The following TAFA2 variants were observed in gnomAD, a reference collection of about 807,000 sequenced individuals.
TAFA2 encodes TAFA chemokine like family member 2, also known as chemokine-like protein TAFA-2.
In TAFA2, 7 loss-of-function variants were observed where a neutral mutation model predicts 18.8. The ratio of observed to expected loss-of-function variants is 0.37; its 90% CI spans 0.21 to 0.70. The LOEUF (loss-of-function observed/expected upper bound fraction) is 0.70. TAFA2 is among the 30% of genes least tolerant of loss of function. The pLI, the probability that TAFA2 is intolerant of heterozygous loss-of-function variation, is 0.53. For synonymous variants in TAFA2, 60 were observed against 54.2 expected (o/e 1.11, Z -0.47); for missense variants, 122 against 158.1 (o/e 0.77, Z 1.23).
intron 1 of TAFA2, among the ~76,000 whole-genome samples, chr12:62,032,915 T>C (rs1396383060): frequency 1.3e-5 from 2 of 152,196 alleles, no homozygotes; most frequent in African/African-American, 4.8e-5. Context: ...ATGCTTCACA[T>C]TTTTTCATGG....
At chr12:61,829,764 G>A (rs144719468) in intron 2 of TAFA2, among the ~76,000 whole-genome samples, 2 of 151,306 alleles carry the variant, frequency 1.3e-5, no homozygotes, top group African/African-American at 4.8e-5. Flanking sequence ...AATCTCTGTA[G>A]GATTATTTAC....
intron 2 of TAFA2, 82 bp from the exon 3 acceptor site, chr12:61,755,106 T>C: frequency 7.5e-7 from 1 of 1,333,232 alleles, no homozygotes; most frequent in Non-Finnish European, 1.0e-6. Flanking sequence ...AGCAGTACAT[T>C]AAATATAGCT....
chr12:61,880,414 G>A, intron 1 of TAFA2: 1 of 538,032 alleles, frequency 1.9e-6, no homozygotes. Context: ...AGTGGGCCAA[G>A]CAGGACATGG....
intron 1 of TAFA2, among the ~76,000 whole-genome samples, chr12:62,217,427 G>C (rs879507490): frequency 2.0e-5 from 3 of 152,188 alleles, no homozygotes; most frequent in Non-Finnish European, 2.9e-5. Context: ...ACTGGGCCCT[G>C]GTAGACAGAG....
At chr12:61,773,873 G>C (rs1334771478) in intron 2 of TAFA2, among the ~76,000 whole-genome samples, 1 of 151,980 alleles carries the variant, frequency 6.6e-6, no homozygotes, top group Non-Finnish European at 1.5e-5. Flanking sequence ...AAACTAAAAA[G>C]CTTCTGTACA....
Position 62,192,384 on chromosome 12 carries a change from G to A in TAFA2, c.-1127C>T, listed in dbSNP as rs2062630179. On this transcript the variant is annotated 5_prime_UTR_variant, in exon 1 of 5. Transcript: ENST00000416284. ...TGTCGCCTGTGTCACTTTGCTAAAG[G>A]CGGGAGGGGAGAAAGAAAGGAGCGG... 1 of 152,230 alleles carries A rather than the reference G, an allele frequency of 6.6e-6. No homozygotes were observed. Among genetic ancestry groups the A allele is most frequent in the Non-Finnish European group, 1.5e-5 (1 of 68,076 alleles). The allele number at this position is 152,230 out of a possible 1,614,324, so 9.4% of individuals were successfully genotyped here. A position where few individuals can be genotyped will look rare whatever the true frequency, so the allele number is the denominator to read the frequency against.
chr12:62,088,653 A>C (rs1868566305), intron 1 of TAFA2, among the ~76,000 whole-genome samples: 2 of 151,796 alleles, frequency 1.3e-5, no homozygotes, highest in African/African-American at 2.4e-5. Context: ...AATTAGTTAG[A>C]AAAAAGCATC....
intron 1 of TAFA2, among the ~76,000 whole-genome samples, chr12:62,096,515 A>T (rs1007362040): frequency 3.3e-5 from 5 of 152,164 alleles, no homozygotes; most frequent in South Asian, 2.1e-4. Context: ...CTGGTTTCTT[A>T]AAAAAGGCTT....
intron 1 of TAFA2, among the ~76,000 whole-genome samples, chr12:62,147,421 G>C (rs1027623541): frequency 3.5e-5 from 5 of 144,916 alleles, no homozygotes; most frequent in Non-Finnish European, 6.0e-5. Flanking sequence ...TTTAACCAAA[G>C]AGCTTCTGCA....
At chr12:61,780,189 G>A (rs2120881383) in intron 2 of TAFA2, among the ~76,000 whole-genome samples, 1 of 151,946 alleles carries the variant, frequency 6.6e-6, no homozygotes, top group South Asian at 2.1e-4. Flanking sequence ...AGGTAGTGAA[G>A]CAGGATAAAT....
intron 1 of TAFA2, among the ~76,000 whole-genome samples, chr12:62,178,424 G>A (rs1038949827): frequency 6.6e-6 from 1 of 152,092 alleles, no homozygotes; most frequent in Non-Finnish European, 1.5e-5. Flanking sequence ...CATAAACTAG[G>A]AAACAAAGGT....
chr12:62,164,356 T>TGCAGAC (rs2062425575), intron 1 of TAFA2, among the ~76,000 whole-genome samples: 1 of 152,158 alleles, frequency 6.6e-6, no homozygotes, highest in African/African-American at 2.4e-5. Flanking sequence ...TGCTGGAACT[T>TGCAGAC]GCAGACAAAA....
intron 1 of TAFA2, among the ~76,000 whole-genome samples, chr12:61,954,176 T>C (rs994519389): frequency 5.9e-5 from 9 of 152,300 alleles, no homozygotes; most frequent in African/African-American, 2.2e-4. Flanking sequence ...ACTCTACATC[T>C]GTGTGTACAC....
At chr12:61,785,274 G>T (rs1389682649) in intron 2 of TAFA2, among the ~76,000 whole-genome samples, 1 of 149,464 alleles carries the variant, frequency 6.7e-6, no homozygotes, top group Non-Finnish European at 1.5e-5. Context: ...CATACATGTT[G>T]CTACAAATGA....
Position 61,941,021 on chromosome 12 carries a change from C to A in TAFA2, c.-1-73595G>T, listed in dbSNP as rs888847838. Among the ~76,000 whole-genome samples the A allele has an allele frequency of 1.6e-4, 24 of 152,032 alleles. 1 individual carries two copies. Among genetic ancestry groups the A allele is most frequent in the African/African-American group, 5.8e-4 (24 of 41,382 alleles). ...TTTTAATTTTAATTTTAAAACATAT[C>A]TGATTCAGTTATTTCAAAACTTTCA... On this transcript the variant is annotated intron_variant, in intron 1 of 4. Transcript: ENST00000416284.
intron 1 of TAFA2, among the ~76,000 whole-genome samples, chr12:62,165,043 A>G (rs2062429525): frequency 6.6e-6 from 1 of 152,096 alleles, no homozygotes; most frequent in African/African-American, 2.4e-5. Flanking sequence ...TACTGTCCCC[A>G]ATACCTTGGG....
At chr12:61,796,998 CTCAA>C (rs1241283093) in intron 2 of TAFA2, among the ~76,000 whole-genome samples, 6 of 152,136 alleles carry the variant, frequency 3.9e-5, no homozygotes, top group Admixed American at 2.0e-4. Context: ...ACAAAACTCT[CTCAA>C]TCAGTCTATT....
chr12:62,009,915 G>T (rs4965014), intron 1 of TAFA2, among the ~76,000 whole-genome samples: 1 of 151,892 alleles, frequency 6.6e-6, no homozygotes, highest in Admixed American at 6.6e-5. Context: ...ACAAAGTACT[G>T]TGTGTTTAAA....
At chr12:61,894,430 C>A (rs1274209150) in intron 1 of TAFA2, among the ~76,000 whole-genome samples, 1 of 152,154 alleles carries the variant, frequency 6.6e-6, no homozygotes, top group Non-Finnish European at 1.5e-5. Flanking sequence ...GGATCTACTC[C>A]AAAATATAAA....
Sources: gnomAD v4.1 joint callset for allele counts (sites outside exome capture counted in the v4.1 genomes callset) on GRCh38, gnomAD v4.1.1 for gene constraint, MANE v1.5 for transcripts, NCBI Gene and HGNC (gene_info 2026-07-23, HGNC 2026-07-21) for gene names.